The following ZBTB7C variants were observed in gnomAD, a reference collection of about 807,000 sequenced individuals.
ZBTB7C encodes the protein zinc finger and BTB domain-containing protein 7C.
Under a neutral mutation model 25.7 loss-of-function variants are expected in ZBTB7C, and 8 were observed. The observed-to-expected ratio is 0.31, with a 90% CI of 0.18 to 0.56. The LOEUF (loss-of-function observed/expected upper bound fraction) is 0.56. ZBTB7C is among the 20% of genes least tolerant of loss of function. The pLI, the probability that ZBTB7C is intolerant of heterozygous loss-of-function variation, is 0.91. For missense variants in ZBTB7C, 824 were observed against 855.2 expected, an observed-to-expected ratio of 0.96 and a Z score of 0.46; for synonymous variants, 394 against 369.0, an observed-to-expected ratio of 1.07 and a Z score of -0.78.
At chr18:48,128,542 A>G (rs2039881617) in intron 3 of ZBTB7C, among the ~76,000 whole-genome samples, 1 of 152,256 alleles carries the variant, frequency 6.6e-6, no homozygotes, top group Non-Finnish European at 1.5e-5. Context: ...GAACAAAATA[A>G]TGTCTTTTGT....
intron 2 of ZBTB7C, among the ~76,000 whole-genome samples, chr18:48,333,362 A>G (rs184540543): frequency 3.0e-4 from 45 of 152,020 alleles, no homozygotes; most frequent in African/African-American, 1.0e-3. Flanking sequence ...GAGTGTTGCC[A>G]TAATTCTCTC....
At chr18:48,105,880 A>G (rs543483422) in intron 3 of ZBTB7C, among the ~76,000 whole-genome samples, 45 of 152,328 alleles carry the variant, frequency 3.0e-4, no homozygotes, top group African/African-American at 9.6e-4. Flanking sequence ...TTGTGTCTCA[A>G]TATACAACTC....
intron 2 of ZBTB7C, among the ~76,000 whole-genome samples, chr18:48,320,158 A>G (rs927843095): frequency 1.3e-5 from 2 of 151,824 alleles, no homozygotes; most frequent in African/African-American, 4.8e-5. Context: ...AAGGAGAAGG[A>G]GGGATCATGA....
Position 48,193,341 on chromosome 18 carries a change from C to T in ZBTB7C, c.-78-7346G>A, listed in dbSNP as rs987169946. Among the ~76,000 whole-genome samples the T allele has an allele frequency of 1.3e-4, 20 of 150,660 alleles. 1 individual carries two copies. Among genetic ancestry groups the T allele is most frequent in the African/African-American group, 4.3e-4 (18 of 41,446 alleles). ...TCTATAATAGACTTAGCCCCCTCCT[C>T]GCAGGTCTAGAGGCTAGACTCTGCC... is the stretch of plus-strand genomic sequence containing the variant. On this transcript the variant is annotated intron_variant, in intron 2 of 4. Transcript: ENST00000590800.
intron 2 of ZBTB7C, among the ~76,000 whole-genome samples, chr18:48,315,440 T>G (rs1401293193): frequency 6.6e-6 from 1 of 152,122 alleles, no homozygotes; most frequent in African/African-American, 2.4e-5. Flanking sequence ...ATGTCCAAGG[T>G]AGTCAGTTTC....
At chr18:48,207,478 C>T (rs1024516627) in intron 2 of ZBTB7C, among the ~76,000 whole-genome samples, 3 of 152,094 alleles carry the variant, frequency 2.0e-5, no homozygotes, top group African/African-American at 7.2e-5. Flanking sequence ...TATATAGCTA[C>T]AAAAAAGAAT....
chr18:48,188,374 C>T (rs1162918133), intron 2 of ZBTB7C, among the ~76,000 whole-genome samples: 1 of 152,172 alleles, frequency 6.6e-6, no homozygotes, highest in Non-Finnish European at 1.5e-5. Context: ...AAGGAGAATG[C>T]AGAGTGAAGA....
intron 2 of ZBTB7C, among the ~76,000 whole-genome samples, chr18:48,251,539 G>C (rs1308430477): frequency 6.6e-6 from 1 of 152,188 alleles, no homozygotes; most frequent in Admixed American, 6.5e-5. Flanking sequence ...CTAGAATCTT[G>C]CACAGGTGAA....
intron 2 of ZBTB7C, among the ~76,000 whole-genome samples, chr18:48,272,459 G>C (rs1000776663): frequency 6.6e-6 from 1 of 152,216 alleles, no homozygotes; most frequent in Non-Finnish European, 1.5e-5. Context: ...TCCAGATGGA[G>C]AGAAGACTCA....
chr18:48,126,753 T>C (rs774308149), intron 3 of ZBTB7C, among the ~76,000 whole-genome samples: 5 of 152,132 alleles, frequency 3.3e-5, no homozygotes, highest in Non-Finnish European at 7.4e-5. Context: ...TTCAACCTGG[T>C]AGGGGCAATC....
At chr18:48,103,229 T>C (rs1037944190) in intron 3 of ZBTB7C, among the ~76,000 whole-genome samples, 1 of 151,346 alleles carries the variant, frequency 6.6e-6, no homozygotes, top group African/African-American at 2.4e-5. Context: ...GAAAAGCACA[T>C]TCCCAGTAAG....
At chr18:48,132,590 T>G (rs375130437) in intron 3 of ZBTB7C, among the ~76,000 whole-genome samples, 46 of 152,312 alleles carry the variant, frequency 3.0e-4, no homozygotes, top group African/African-American at 9.1e-4. Context: ...CTCAATAAAT[T>G]TTATTGACTG....
At chr18:48,331,272 C>T (rs1333813378) in intron 2 of ZBTB7C, among the ~76,000 whole-genome samples, 2 of 152,040 alleles carry the variant, frequency 1.3e-5, no homozygotes, top group Non-Finnish European at 2.9e-5. Context: ...GAAAATGGTA[C>T]CAAATAATAA....
In ZBTB7C at chr18:48,320,904, C is replaced by A. The variant is rs938350836; in HGVS notation, c.-79+17270G>T. Among the ~76,000 whole-genome samples the A allele has an allele frequency of 4.6e-5, 7 of 152,246 alleles. No homozygotes were observed. In the South Asian group the frequency reaches 1.2e-3, roughly 27 times the overall value. On this transcript the variant is annotated intron_variant, in intron 2 of 4. Coordinates refer to ENST00000590800, the MANE Select transcript of ZBTB7C (RefSeq NM_001318841.2). The stretch of plus-strand genomic sequence containing the variant: ...GCTGACTATCCTTCCCCACCCAGGG[C>A]CTGCCAGCCCCATGCCTGCCTCCCT...
At chr18:48,165,780 T>TC (rs1408267020) in intron 3 of ZBTB7C, among the ~76,000 whole-genome samples, 1 of 152,198 alleles carries the variant, frequency 6.6e-6, no homozygotes, top group East Asian at 1.9e-4. Context: ...ACAGCCCCTC[T>TC]TTGCAGGGTC....
At chr18:48,358,681 A>C (rs1474800394) in intron 1 of ZBTB7C, among the ~76,000 whole-genome samples, 1 of 152,046 alleles carries the variant, frequency 6.6e-6, no homozygotes, top group African/African-American at 2.4e-5. Context: ...ACAACAAACA[A>C]CTCCCAAATT....
At chr18:48,080,845 C>T (rs2037954311) in intron 3 of ZBTB7C, among the ~76,000 whole-genome samples, 1 of 152,194 alleles carries the variant, frequency 6.6e-6, no homozygotes, top group Non-Finnish European at 1.5e-5. Flanking sequence ...TCTGGCTGTC[C>T]ACCTGCTCAT....
At chr18:48,067,818 A>G (rs1345495516) in intron 3 of ZBTB7C, among the ~76,000 whole-genome samples, 2 of 152,090 alleles carry the variant, frequency 1.3e-5, no homozygotes, top group South Asian at 2.1e-4. Context: ...CCTGACCAAC[A>G]TGGAGAAACC....
At chr18:48,284,694 G>T (rs1183637637) in intron 2 of ZBTB7C, among the ~76,000 whole-genome samples, 1 of 151,366 alleles carries the variant, frequency 6.6e-6, no homozygotes, top group Non-Finnish European at 1.5e-5. Context: ...AGGAGGCTGA[G>T]GCACGAGAAT....
Sources: allele counts gnomAD v4.1 joint callset (sites outside exome capture counted in the v4.1 genomes callset), GRCh38; gene constraint gnomAD v4.1.1; transcripts MANE v1.5; gene names NCBI Gene and HGNC (gene_info 2026-07-23, HGNC 2026-07-21).